Variants in GDA observed in about 807,000 individuals in gnomAD.
GDA encodes the protein cytoplasmic PSD-95 interactor.
GDA carries 18 observed loss-of-function variants against 59.6 expected under a neutral mutation model. The observed-to-expected ratio is 0.30, with a 90% CI of 0.21 to 0.45. The LOEUF is 0.45. GDA is among the 20% of genes least tolerant of loss of function. GDA has a pLI of 1.00. For synonymous variants in GDA, 201 were observed against 201.1 expected (o/e 1.00, Z 0.00); for missense variants, 427 against 552.3 (o/e 0.77, Z 2.27).
chr9:72,246,444 G>A (rs1039256243), intron 12 of GDA, among the ~76,000 whole-genome samples: 10 of 152,160 alleles, frequency 6.6e-5, no homozygotes, highest in Non-Finnish European at 1.3e-4. Context: ...CACTGTACCC[G>A]GCCTATTTAA....
intron 7 of GDA, 55 bp from the exon 8 acceptor site, chr9:72,225,622 A>T: frequency 1.2e-6 from 1 of 843,262 alleles, no homozygotes; most frequent in Non-Finnish European, 1.9e-6. Context: ...TAGGAAGTGT[A>T]ATTTCTAATG....
chr9:72,135,311 G>A (rs969224576), intron 1 of GDA, among the ~76,000 whole-genome samples: 1 of 151,950 alleles, frequency 6.6e-6, no homozygotes, highest in Non-Finnish European at 1.5e-5. Flanking sequence ...ATAATATTTT[G>A]AGCACATTTT....
chr9:72,239,493 C>T (rs894704219), intron 10 of GDA, among the ~76,000 whole-genome samples: 3 of 152,114 alleles, frequency 2.0e-5, no homozygotes, highest in African/African-American at 7.2e-5. Context: ...ACCATCCCAA[C>T]TGCATTGCTT....
chr9:72,236,774 CTATT>C lies in GDA; in HGVS notation c.989-4376_989-4373del, dbSNP rs1185188344. 7.6e-4 allele frequency among the ~76,000 whole-genome samples: 97 copies of C among 127,660 alleles called. 2 individuals are homozygous for C. Among genetic ancestry groups the C allele is most frequent in the African/African-American group, 2.4e-3 (85 of 35,534 alleles). The allele number at this position is 127,660 out of a possible 152,430, so 83.7% of individuals were successfully genotyped here. A position where few individuals can be genotyped will look rare whatever the true frequency, so the allele number is the denominator to read the frequency against. On this transcript the variant is annotated intron_variant, in intron 10 of 13. Coordinates refer to ENST00000358399, the MANE Select transcript of GDA (RefSeq NM_004293.5). The stretch of plus-strand genomic sequence containing the variant: ...TTTAAGCAAAGAAACAAAACCACTC[CTATT>C]TTTTTTTTTTTTTTTTTTTGAGATG...
intron 1 of GDA, among the ~76,000 whole-genome samples, chr9:72,173,337 T>C (rs75330905): frequency 2.1e-5 from 3 of 142,886 alleles, no homozygotes; most frequent in Non-Finnish European, 4.6e-5. Context: ...TTCCCCTTCT[T>C]TTTTTTTTTT....
At chr9:72,166,905 C>T (rs910994037) in intron 1 of GDA, among the ~76,000 whole-genome samples, 2 of 152,146 alleles carry the variant, frequency 1.3e-5, no homozygotes, top group Non-Finnish European at 2.9e-5. Flanking sequence ...TGCTTAGAAA[C>T]ATATCATTGT....
rs1208023434 is a variant in GDA, at chr9:72,225,659, A to G, written c.715-18A>G. 6.1e-6 allele frequency: 7 copies of G among 1,138,632 alleles called. No individual in the cohort carries two copies. Among genetic ancestry groups the G allele is most frequent in the African/African-American group, 1.6e-5 (1 of 64,398 alleles). The allele number at this position is 1,138,632 out of a possible 1,614,324, so 70.5% of individuals were successfully genotyped here. On this transcript the variant is annotated intron_variant, in intron 7 of 13. Coordinates refer to ENST00000358399, the MANE Select transcript of GDA (RefSeq NM_004293.5). ...TATTTTACAGAAGAAAAATGAAAAT[A>G]TTATTTTTTTCTTGTAGAGCCATAT...
At chr9:72,169,049 G>A (rs112496123) in intron 1 of GDA, among the ~76,000 whole-genome samples, 12 of 152,164 alleles carry the variant, frequency 7.9e-5, no homozygotes, top group Admixed American at 5.9e-4. Flanking sequence ...GTCTTGCCAC[G>A]GCAAACTCCT....
At chr9:72,245,305 G>C in intron 12 of GDA, 27 bp downstream of exon 12, 1 of 1,568,054 alleles carries the variant, frequency 6.4e-7, no homozygotes, top group African/African-American at 1.4e-5. Flanking sequence ...TAATCAAAAG[G>C]CATTTATTTC....
rs766896532 is a variant in GDA at position 72,202,581 on chromosome 9, A to T, written c.223A>T (p.Met75Leu). ...CATCTTAATTTCCAGTGAGTTCTTCATGCCTGGGCTGGTTGATACACACAT... is the reference window on the plus strand; with the variant it reads ...CATCTTAATTTCCAGTGAGTTCTTCTTGCCTGGGCTGGTTGATACACACAT... ...IRELSHHEFF[M>L]PGLVDTHIHA... Residue 75 changes from methionine to leucine, a missense_variant, in exon 3 of 14, where the codon ATG becomes TTG. Transcript: ENST00000358399. 1 of 1,586,602 alleles carries T rather than the reference A, an allele frequency of 6.3e-7. No homozygotes were observed. Among genetic ancestry groups the T allele is most frequent in the South Asian group, 1.1e-5 (1 of 87,502 alleles).
intron 3 of GDA, among the ~76,000 whole-genome samples, chr9:72,204,834 A>G (rs1252685923): frequency 1.3e-5 from 2 of 152,126 alleles, no homozygotes; most frequent in East Asian, 3.9e-4. Flanking sequence ...ATGGTGGTTT[A>G]AGTATTTGAT....
Position 72,182,468 on chromosome 9 carries a change from G to A in GDA, c.124-13032G>A, listed in dbSNP as rs141973730. ...ATTAGATTCAGGTCGTGCATTTTTG[G>A]CAGGGACATCGGAGAAATGATGCTG... On this transcript the variant is annotated intron_variant, in intron 1 of 13. Coordinates refer to ENST00000358399, the MANE Select transcript of GDA (RefSeq NM_004293.5). Among the ~76,000 whole-genome samples, 18 of 152,184 alleles carry A rather than the reference G, an allele frequency of 1.2e-4. No individual in the cohort carries two copies. The East Asian group carries it at 3.5e-3, about 29-fold the overall frequency.
intron 1 of GDA, among the ~76,000 whole-genome samples, chr9:72,182,917 G>T (rs1180756180): frequency 6.6e-6 from 1 of 152,116 alleles, no homozygotes; most frequent in Non-Finnish European, 1.5e-5. Flanking sequence ...TTATTTTGAT[G>T]CTCAAATTGG....
At chr9:72,237,396 A>G (rs550189411) in intron 10 of GDA, among the ~76,000 whole-genome samples, 38 of 152,140 alleles carry the variant, frequency 2.5e-4, no homozygotes, top group Non-Finnish European at 4.6e-4. Context: ...AAGTAATCTT[A>G]TCTTGAATCC....
intron 2 of GDA, among the ~76,000 whole-genome samples, chr9:72,196,685 A>G (rs1472465528): frequency 6.6e-6 from 1 of 152,110 alleles, no homozygotes; most frequent in Non-Finnish European, 1.5e-5. Flanking sequence ...TCAACCCGTC[A>G]TCTAGGTTTT....
chr9:72,124,316 C>T (rs1157721451), intron 1 of GDA, among the ~76,000 whole-genome samples: 1 of 152,158 alleles, frequency 6.6e-6, no homozygotes, highest in Admixed American at 6.5e-5. Flanking sequence ...ACATAGAAGA[C>T]ACTTTATAAA....
At chr9:72,158,339 A>G (rs1211641156) in intron 1 of GDA, among the ~76,000 whole-genome samples, 1 of 152,114 alleles carries the variant, frequency 6.6e-6, no homozygotes, top group Non-Finnish European at 1.5e-5. Flanking sequence ...CGCACCTGTA[A>G]TCCTAGCACT....
At chr9:72,171,742 A>G (rs1173411120) in intron 1 of GDA, among the ~76,000 whole-genome samples, 4 of 151,966 alleles carry the variant, frequency 2.6e-5, no homozygotes, top group Non-Finnish European at 5.9e-5. Flanking sequence ...GGTCTTGTAC[A>G]TTATAATGTT....
At chr9:72,131,561 C>T (rs541738343) in intron 1 of GDA, among the ~76,000 whole-genome samples, 2 of 152,154 alleles carry the variant, frequency 1.3e-5, no homozygotes, top group Non-Finnish European at 2.9e-5. Flanking sequence ...GGGACAATTA[C>T]CCAAATTATA....
Sources: gnomAD v4.1 joint callset for allele counts (sites outside exome capture counted in the v4.1 genomes callset) on GRCh38, gnomAD v4.1.1 for gene constraint, MANE v1.5 for transcripts, NCBI Gene and HGNC (gene_info 2026-07-23, HGNC 2026-07-21) for gene names.